The following RASSF8 variants were observed in gnomAD, a reference collection of about 807,000 sequenced individuals.
RASSF8 encodes Ras association domain family member 8.
In RASSF8, 22 loss-of-function variants were observed where a neutral mutation model predicts 48.5. The ratio of observed to expected loss-of-function variants is 0.45; its 90% CI spans 0.32 to 0.65. The LOEUF (loss-of-function observed/expected upper bound fraction) is 0.65. RASSF8 is among the 30% of genes least tolerant of loss of function. The pLI, the probability that RASSF8 is intolerant of heterozygous loss-of-function variation, is 0.03. For synonymous variants in RASSF8, 127 were observed against 171.5 expected (o/e 0.74, Z 2.03); for missense variants, 418 against 489.2 (o/e 0.85, Z 1.37).
At chr12:25,986,143 T>C (rs747752859) in intron 1 of RASSF8, among the ~76,000 whole-genome samples, 3 of 152,172 alleles carry the variant, frequency 2.0e-5, no homozygotes, top group Admixed American at 6.5e-5. Context: ...GAGATTTTTA[T>C]ATCCAGTCGA....
At chr12:25,988,018 A>ATTT (rs758560310) in intron 1 of RASSF8, among the ~76,000 whole-genome samples, 108 of 137,908 alleles carry the variant, frequency 7.8e-4, no homozygotes, top group Middle Eastern at 3.8e-3. Context: ...TGCCTGGCTA[A>ATTT]TTTTTTTTTT....
chr12:26,021,058 G>A (rs1037289803), intron 2 of RASSF8, among the ~76,000 whole-genome samples: 1 of 152,062 alleles, frequency 6.6e-6, no homozygotes, highest in Non-Finnish European at 1.5e-5. Context: ...CAATTACTTC[G>A]AAAATCTTTT....
rs542746339 is a variant in RASSF8 at position 25,990,756 on chromosome 12, A to AGT, written c.-202-4281_-202-4280insGT. ...TTTTATTAGACAACAAAAATTTAGG[A>AGT]ATAGTTTAGAATTCTGTAGTATTTA... On this transcript the variant is annotated intron_variant, in intron 1 of 5. Transcript: ENST00000689635. Among the ~76,000 whole-genome samples the AGT allele has an allele frequency of 3.4e-3, 518 of 152,348 alleles. 2 individuals carry two copies. The highest frequency in any genetic ancestry group is 0.011 in the African/African-American group (473 of 41,596).
chr12:26,050,329 C>T (rs1943465081), intron 2 of RASSF8, among the ~76,000 whole-genome samples: 1 of 152,028 alleles, frequency 6.6e-6, no homozygotes, highest in Non-Finnish European at 1.5e-5. Flanking sequence ...TTGATTTGTC[C>T]TTCCATAAAA....
intron 2 of RASSF8, among the ~76,000 whole-genome samples, chr12:26,008,204 C>T (rs957589639): frequency 2.0e-5 from 3 of 151,788 alleles, no homozygotes; most frequent in African/African-American, 7.3e-5. Context: ...ACCCGGGAGG[C>T]GGAGCTTGCA....
At chr12:26,004,573 A>G (rs984369651) in intron 2 of RASSF8, among the ~76,000 whole-genome samples, 1 of 152,206 alleles carries the variant, frequency 6.6e-6, no homozygotes, top group Non-Finnish European at 1.5e-5. Flanking sequence ...TGTATGTTAT[A>G]TGTATTATAT....
At position 25,992,826 on chromosome 12, in the gene RASSF8, C is replaced by T. The variant is rs545967553; in HGVS notation, c.-202-2211C>T. ...TTCTCATTGCCTTCCTAGGTACTCG[C>T]ACACCTGCCAGAGCTCATGTTTGTA... On this transcript the variant is annotated intron_variant, in intron 1 of 5. Transcript: ENST00000689635. 4.7e-4 allele frequency among the ~76,000 whole-genome samples: 72 copies of T among 152,282 alleles called. 1 individual carries two copies. In the South Asian group the frequency reaches 0.015, roughly 32 times the overall value.
chr12:26,018,335 C>G (rs527589210), intron 2 of RASSF8, among the ~76,000 whole-genome samples: 2 of 151,978 alleles, frequency 1.3e-5, no homozygotes, highest in African/African-American at 4.8e-5. Context: ...AGCTCTAGAA[C>G]CTTTTTTTAA....
At chr12:25,971,461 T>A (rs566639624) in intron 1 of RASSF8, among the ~76,000 whole-genome samples, 3 of 152,310 alleles carry the variant, frequency 2.0e-5, no homozygotes, top group Admixed American at 2.0e-4. Flanking sequence ...TGTTGCATAT[T>A]CAGAATGGAA....
intron 2 of RASSF8, among the ~76,000 whole-genome samples, chr12:26,046,024 T>C (rs10842658): frequency 0.39 from 58,731 of 151,984 alleles, 12,746 homozygotes; most frequent in Non-Finnish European, 0.5. Context: ...ATTTGGGCGA[T>C]CAGATAACAT....
chr12:26,041,452 AT>A (rs1202417167), intron 2 of RASSF8, among the ~76,000 whole-genome samples: 3 of 152,148 alleles, frequency 2.0e-5, no homozygotes, highest in African/African-American at 7.2e-5. Flanking sequence ...ACACTGAGTG[AT>A]TGTATAACTT....
chr12:26,005,645 A>G (rs1454122169), intron 2 of RASSF8, among the ~76,000 whole-genome samples: 2 of 152,254 alleles, frequency 1.3e-5, no homozygotes, highest in African/African-American at 2.4e-5. Context: ...ATACTAGAAT[A>G]GGATGAAACC....
At chr12:25,966,272 A>G (rs1001356971) in intron 1 of RASSF8, among the ~76,000 whole-genome samples, 4 of 152,188 alleles carry the variant, frequency 2.6e-5, no homozygotes, top group African/African-American at 4.8e-5. Context: ...TTAATTTTAA[A>G]GACAGGGTCT....
At chr12:26,063,364 T>G (rs1432096054) in intron 3 of RASSF8, among the ~76,000 whole-genome samples, 2 of 152,320 alleles carry the variant, frequency 1.3e-5, no homozygotes, top group East Asian at 3.9e-4. Flanking sequence ...CAGTATATTT[T>G]TCAATGTATA....
In RASSF8 at chr12:25,994,283, A is replaced by ATT. The variant is rs772772698; in HGVS notation, c.-202-754_-202-753insTT. On this transcript the variant is annotated intron_variant, in intron 1 of 5. Coordinates refer to ENST00000689635, the MANE Select transcript of RASSF8 (RefSeq NM_001394098.1). ...TTGATGTCTGGATAGATTTTTAAAA[A>ATT]AAAAAAAAATGGTTGATGGAAGCTG... is the stretch of plus-strand genomic sequence containing the variant. Among the ~76,000 whole-genome samples, 1,280 of 150,936 alleles carry ATT rather than the reference A, an allele frequency of 8.5e-3. 12 individuals are homozygous for ATT. The highest frequency in any genetic ancestry group is 0.014 in the Non-Finnish European group (944 of 67,476).
intron 1 of RASSF8, among the ~76,000 whole-genome samples, chr12:25,984,438 G>T (rs1453368000): frequency 6.6e-6 from 1 of 151,520 alleles, no homozygotes; most frequent in Non-Finnish European, 1.5e-5. Context: ...TTCCTCCCCG[G>T]TTCAGGCAAT....
At chr12:25,974,219 A>G (rs1941550740) in intron 1 of RASSF8, among the ~76,000 whole-genome samples, 1 of 151,996 alleles carries the variant, frequency 6.6e-6, no homozygotes, top group African/African-American at 2.4e-5. Flanking sequence ...GCTAATATTA[A>G]ACTGATTTTT....
chr12:26,063,160 C>A (rs1368284714), intron 3 of RASSF8, among the ~76,000 whole-genome samples: 1 of 152,076 alleles, frequency 6.6e-6, no homozygotes. Flanking sequence ...CAATCAATAG[C>A]TGTTTATACA....
chr12:26,015,316 T>TG (rs1942622530), intron 2 of RASSF8, among the ~76,000 whole-genome samples: 1 of 152,084 alleles, frequency 6.6e-6, no homozygotes, highest in Admixed American at 6.5e-5. Context: ...CACTTTGTCA[T>TG]GGAGATCAGG....
Sources: gnomAD v4.1 joint callset for allele counts (sites outside exome capture counted in the v4.1 genomes callset) on GRCh38, gnomAD v4.1.1 for gene constraint, MANE v1.5 for transcripts, NCBI Gene and HGNC (gene_info 2026-07-23, HGNC 2026-07-21) for gene names.